The following RBMS3 variants were observed in gnomAD, a reference collection of about 807,000 sequenced individuals.
RBMS3 encodes RNA-binding motif, single-stranded-interacting protein 3.
In RBMS3, 27 loss-of-function variants were observed where a neutral mutation model predicts 66.8. That is an observed-to-expected ratio of 0.40 (90% confidence interval 0.30 to 0.56). The LOEUF (loss-of-function observed/expected upper bound fraction) is 0.56. Ranked by LOEUF, RBMS3 falls within the 20% of genes least tolerant of loss-of-function variation. RBMS3 has a pLI of 0.40. For synonymous variants in RBMS3, 188 were observed against 183.0 expected, an observed-to-expected ratio of 1.03 and a Z score of -0.22; for missense variants, 513 against 549.5, an observed-to-expected ratio of 0.93 and a Z score of 0.66.
chr3:29,916,270 A>T (rs533100902), intron 10 of RBMS3, among the ~76,000 whole-genome samples: 6 of 152,072 alleles, frequency 3.9e-5, no homozygotes, highest in Non-Finnish European at 7.4e-5. Context: ...TTGGTGCTAT[A>T]CAGATTCAAT....
At chr3:29,504,786 A>G (rs1278008078) in intron 3 of RBMS3, among the ~76,000 whole-genome samples, 1 of 151,980 alleles carries the variant, frequency 6.6e-6, no homozygotes. Flanking sequence ...AGCCATTCTA[A>G]CAGGTGTGAG....
chr3:29,780,585 T>G (rs536437047), intron 6 of RBMS3, among the ~76,000 whole-genome samples: 1 of 152,280 alleles, frequency 6.6e-6, no homozygotes, highest in Non-Finnish European at 1.5e-5. Flanking sequence ...TTTAACTCTT[T>G]AGTATATTTG....
intron 4 of RBMS3, among the ~76,000 whole-genome samples, chr3:29,706,131 T>A (rs1210528011): frequency 1.3e-5 from 2 of 152,148 alleles, no homozygotes; most frequent in Non-Finnish European, 2.9e-5. Context: ...AGGAAGCATA[T>A]GCCATTAGGT....
At chr3:29,674,993 A>G (rs528406563) in intron 4 of RBMS3, among the ~76,000 whole-genome samples, 1 of 152,330 alleles carries the variant, frequency 6.6e-6, no homozygotes, top group Admixed American at 6.5e-5. Flanking sequence ...ACGCTACCTG[A>G]CTTCAAACTA....
intron 10 of RBMS3, 122 bp from the exon 11 acceptor site, chr3:29,935,963 GC>G: frequency 1.3e-6 from 1 of 767,810 alleles, no homozygotes; most frequent in Non-Finnish European, 2.1e-6. Flanking sequence ...GTTGAATTTA[GC>G]CTTTTTAGTA....
intron 6 of RBMS3, among the ~76,000 whole-genome samples, chr3:29,783,939 A>C (rs1365541399): frequency 2.0e-5 from 3 of 152,176 alleles, no homozygotes; most frequent in African/African-American, 7.2e-5. Flanking sequence ...GCAGCAGTTA[A>C]AAAAGACAAA....
At chr3:29,951,163 A>C (rs1019005775) in intron 12 of RBMS3, among the ~76,000 whole-genome samples, 1 of 151,884 alleles carries the variant, frequency 6.6e-6, no homozygotes, top group East Asian at 1.9e-4. Context: ...TCCTTTATTA[A>C]AAAATAAATG....
intron 3 of RBMS3, among the ~76,000 whole-genome samples, chr3:29,530,705 C>CA (rs35876128): frequency 0.48 from 59,566 of 123,618 alleles, 13,623 homozygotes; most frequent in East Asian, 0.67. Flanking sequence ...ACTAAAAATA[C>CA]AAAAAAAAAA....
intron 1 of RBMS3, among the ~76,000 whole-genome samples, chr3:29,285,774 T>C (rs1423020943): frequency 6.6e-6 from 1 of 152,150 alleles, no homozygotes; most frequent in Non-Finnish European, 1.5e-5. Flanking sequence ...GCACAATTGA[T>C]TGTGCCATAG....
intron 4 of RBMS3, among the ~76,000 whole-genome samples, chr3:29,610,807 T>A (rs1204690115): frequency 6.6e-6 from 1 of 152,102 alleles, no homozygotes; most frequent in Non-Finnish European, 1.5e-5. Flanking sequence ...AGTACTTCTG[T>A]AAGAGAGTCA....
chr3:29,424,137 A>T (rs1185141522), intron 1 of RBMS3, among the ~76,000 whole-genome samples: 1 of 152,240 alleles, frequency 6.6e-6, no homozygotes, highest in African/African-American at 2.4e-5. Context: ...AAACTGAAAA[A>T]GTATGGAAAT....
intron 4 of RBMS3, among the ~76,000 whole-genome samples, chr3:29,727,346 A>C (rs2053928024): frequency 6.6e-6 from 1 of 152,228 alleles, no homozygotes; most frequent in Non-Finnish European, 1.5e-5. Flanking sequence ...CAATTGCAAC[A>C]AAGGCCAGAA....
intron 4 of RBMS3, among the ~76,000 whole-genome samples, chr3:29,599,134 A>G (rs1333539890): frequency 1.3e-5 from 2 of 151,334 alleles, no homozygotes; most frequent in East Asian, 3.9e-4. Flanking sequence ...CATGGCAAGC[A>G]TGGTGGGCAG....
chr3:29,792,334 G>C (rs2057041867), intron 6 of RBMS3, among the ~76,000 whole-genome samples: 1 of 152,070 alleles, frequency 6.6e-6, no homozygotes, highest in Non-Finnish European at 1.5e-5. Context: ...TCACCTCCTA[G>C]CAAAGGAGTT....
At chr3:29,493,128 T>G (rs946143030) in intron 3 of RBMS3, among the ~76,000 whole-genome samples, 4 of 152,204 alleles carry the variant, frequency 2.6e-5, no homozygotes, top group African/African-American at 9.6e-5. Flanking sequence ...AATTCTAGCT[T>G]ATGGAGCATA....
intron 6 of RBMS3, among the ~76,000 whole-genome samples, chr3:29,830,115 G>A (rs982524236): frequency 3.4e-4 from 51 of 151,946 alleles, no homozygotes; most frequent in African/African-American, 9.2e-4. Context: ...TAATTATATA[G>A]TGCAGATATT....
intron 1 of RBMS3, among the ~76,000 whole-genome samples, chr3:29,339,498 G>A (rs2036155607): frequency 6.6e-6 from 1 of 151,904 alleles, no homozygotes; most frequent in Non-Finnish European, 1.5e-5. Flanking sequence ...TGATTATTAA[G>A]CAAAGGATCA....
intron 6 of RBMS3, among the ~76,000 whole-genome samples, chr3:29,863,142 C>A (rs2059260198): frequency 6.7e-6 from 1 of 149,172 alleles, no homozygotes; most frequent in African/African-American, 2.5e-5. Context: ...GAAATATATT[C>A]ATTGTTTTTG....
chr3:29,426,782 G>T (rs1273179720), intron 1 of RBMS3, among the ~76,000 whole-genome samples: 1 of 152,192 alleles, frequency 6.6e-6, no homozygotes, highest in Admixed American at 6.5e-5. Flanking sequence ...AACTGAGAAG[G>T]CAACGCTCAT....
Sources: gnomAD v4.1 joint callset for allele counts (sites outside exome capture counted in the v4.1 genomes callset) on GRCh38, gnomAD v4.1.1 for gene constraint, MANE v1.5 for transcripts, NCBI Gene and HGNC (gene_info 2026-07-23, HGNC 2026-07-21) for gene names.